Variants in FOXK1 observed in about 807,000 individuals in gnomAD.
FOXK1 encodes forkhead box protein K1.
FOXK1 carries 19 observed loss-of-function variants against 51.9 expected under a neutral mutation model. The ratio of observed to expected loss-of-function variants is 0.37; its 90% CI spans 0.26 to 0.54. FOXK1 has a LOEUF of 0.54. Among genes scored for constraint, FOXK1 ranks in the 20% least tolerant of loss-of-function variants. The pLI is 0.87. For synonymous variants in FOXK1, 537 were observed against 482.6 expected (o/e 1.11, Z -1.48); for missense variants, 870 against 1,032.7 (o/e 0.84, Z 2.16).
Position 4,756,523 on chromosome 7 carries a change from T to G in FOXK1, c.1051-471T>G, listed in dbSNP as rs111692089. 6.6e-6 allele frequency among the ~76,000 whole-genome samples: 1 copy of G among 150,810 alleles called. No individual in the cohort carries two copies. The highest frequency in any genetic ancestry group is 3.2e-3 in the Middle Eastern group (1 of 316). On this transcript the variant is annotated intron_variant, in intron 4 of 8. Coordinates refer to ENST00000328914, the MANE Select transcript of FOXK1 (RefSeq NM_001037165.2). This position sits in a 1 kb window ranked among gnomAD's most constrained non-coding sequence, Gnocchi z 4.1. ...AATGGCAGCCAGGCACAGTAGCTCA[T>G]GCCTGTAATCCCAGCACTTTGGGAG...
At chr7:4,739,618 C>T (rs950711235) in intron 1 of FOXK1, among the ~76,000 whole-genome samples, 2 of 152,200 alleles carry the variant, frequency 1.3e-5, no homozygotes, top group Non-Finnish European at 2.9e-5. Context: ...TTTGTTTGCA[C>T]TTGGTCGTCT....
chr7:4,716,223 C>T (rs570170658), intron 1 of FOXK1, among the ~76,000 whole-genome samples: 2 of 150,084 alleles, frequency 1.3e-5, no homozygotes, highest in African/African-American at 4.9e-5. Flanking sequence ...GAACAAGACC[C>T]TATCTACAAA....
Position 4,723,433 on chromosome 7 carries a change from C to CAGAA in FOXK1, c.561-17405_561-17404insAGAA, listed in dbSNP as rs1010121164. Among the ~76,000 whole-genome samples, 4 of 151,894 alleles carry CAGAA rather than the reference C, an allele frequency of 2.6e-5. No individual in the cohort carries two copies. Among genetic ancestry groups the CAGAA allele is most frequent in the African/African-American group, 9.7e-5 (4 of 41,332 alleles). On this transcript the variant is annotated intron_variant, in intron 1 of 8. Coordinates refer to ENST00000328914, the MANE Select transcript of FOXK1 (RefSeq NM_001037165.2). This position sits in a 1 kb window ranked among gnomAD's most constrained non-coding sequence, Gnocchi z 4.7. ...CCCAGCTGACTAAATTTGCCTTCTTCCTTCAGGGACCATCTTGGAATAATC... is the reference window on the plus strand; with the variant it reads ...CCCAGCTGACTAAATTTGCCTTCTTCAGAACTTCAGGGACCATCTTGGAATAATC...
At chr7:4,696,008 T>C (rs1013890939) in intron 1 of FOXK1, among the ~76,000 whole-genome samples, 1 of 150,452 alleles carries the variant, frequency 6.6e-6, no homozygotes, top group East Asian at 2.0e-4. Flanking sequence ...CCCAACTACT[T>C]AGGAACCTGA....
At chr7:4,700,671 C>T (rs1211121124) in intron 1 of FOXK1, among the ~76,000 whole-genome samples, 1 of 151,978 alleles carries the variant, frequency 6.6e-6, no homozygotes, top group Non-Finnish European at 1.5e-5. Context: ...CAAAAATTAG[C>T]CAGGTGTGGT....
chr7:4,732,551 T>A (rs977316851), intron 1 of FOXK1, among the ~76,000 whole-genome samples: 2 of 152,020 alleles, frequency 1.3e-5, no homozygotes, highest in African/African-American at 2.4e-5. Flanking sequence ...ACCTCAGCCT[T>A]CCAAAGCGCT....
In FOXK1 at chr7:4,764,720, C is replaced by A; in HGVS notation, c.*2256C>A. The A allele has an allele frequency of 6.6e-6, 1 of 152,296 alleles. No homozygotes were observed. Among genetic ancestry groups the A allele is most frequent in the East Asian group, 1.9e-4 (1 of 5,174 alleles). 9.4% of individuals were successfully genotyped at this position (152,296 alleles called of 1,614,324 possible). On this transcript the variant is annotated 3_prime_UTR_variant, in exon 9 of 9. Transcript: ENST00000328914. ...ATGTCCTCAGGGCTGCCTGTGGCCA[C>A]CCTGATGGGAGACCTCTGTTTGCTT...
chr7:4,686,651 T>C (rs1779822553), intron 1 of FOXK1, among the ~76,000 whole-genome samples: 1 of 152,152 alleles, frequency 6.6e-6, no homozygotes, highest in South Asian at 2.1e-4. Flanking sequence ...GGGCCGAGAA[T>C]TTATGATGTT....
At chr7:4,718,995 G>C (rs1780273968) in intron 1 of FOXK1, among the ~76,000 whole-genome samples, 1 of 152,048 alleles carries the variant, frequency 6.6e-6, no homozygotes, top group African/African-American at 2.4e-5. Flanking sequence ...TTTTAGTAGA[G>C]ACGGGGTTGC....
rs954568429 is a variant in FOXK1, at chr7:4,766,651, G to A, written c.*4187G>A. The A allele has an allele frequency of 3.3e-5, 5 of 152,252 alleles. No individual in the cohort carries two copies. The highest frequency in any genetic ancestry group is 1.3e-4 in the Admixed American group (2 of 15,276). 9.4% of individuals were successfully genotyped at this position (152,252 alleles called of 1,614,324 possible). On this transcript the variant is annotated 3_prime_UTR_variant, in exon 9 of 9. Transcript: ENST00000328914. The surrounding 1 kb of genome is among the most constrained non-coding windows in gnomAD (Gnocchi z 5.5). Reference sequence around the variant, plus strand: ...TTCGGTGGAGTTGGGCCAGGACGGGGGCTTCACCCTGCCCCCTCCAGACTG... The same window carrying A: ...TTCGGTGGAGTTGGGCCAGGACGGGAGCTTCACCCTGCCCCCTCCAGACTG...
Position 4,682,621 on chromosome 7 carries a change from G to A in FOXK1, c.313G>A (p.Ala105Thr). The A allele has an allele frequency of 1.3e-6, 2 of 1,524,268 alleles. No homozygotes were observed. Among genetic ancestry groups the A allele is most frequent in the Non-Finnish European group, 8.8e-7 (1 of 1,142,672 alleles). The allele number at this position is 1,524,268 out of a possible 1,614,324, so 94.4% of individuals were successfully genotyped here. A position where few individuals can be genotyped will look rare whatever the true frequency, so the allele number is the denominator to read the frequency against. ...CTCGGTACGGCAGAGCCCGGGGCCG[G>A]CGCTGGCGCGGCTGGAGGGCCGCGA... ...AASVRQSPGP[A>T]LARLEGREFE... The change falls in exon 1 of 9, where the codon GCG becomes ACG. Residue 105 changes from alanine to threonine, a missense_variant. Physicochemically the swap from Ala to Thr is moderately conservative, Grantham distance 58 (BLOSUM62 0). Transcript: ENST00000328914. The surrounding 1 kb of genome is among the most constrained non-coding windows in gnomAD (Gnocchi z 7.6).
rs569664892 is a variant in FOXK1 at position 4,707,351 on chromosome 7, C to G, written c.560+24483C>G. 6.6e-6 allele frequency among the ~76,000 whole-genome samples: 1 copy of G among 152,166 alleles called. No individual in the cohort carries two copies. The highest frequency in any genetic ancestry group is 1.5e-5 in the Non-Finnish European group (1 of 68,028). ...GGCCATCCGGGATAAACAGATGGGA[C>G]GGAGAGTGCAATTTACATAACAATT... On this transcript the variant is annotated intron_variant, in intron 1 of 8. Coordinates refer to ENST00000328914, the MANE Select transcript of FOXK1 (RefSeq NM_001037165.2). The surrounding 1 kb of genome is among the most constrained non-coding windows in gnomAD (Gnocchi z 4.1).
chr7:4,762,517 G>A lies in FOXK1; in HGVS notation c.*53G>A, dbSNP rs997853367. The stretch of plus-strand genomic sequence containing the variant: ...CTCACCCAGCGGCGACCCCGAAGCT[G>A]GACCCGGCAGCTCAGGCGGCCGCAC... On this transcript the variant is annotated 3_prime_UTR_variant, in exon 9 of 9. Coordinates refer to ENST00000328914, the MANE Select transcript of FOXK1 (RefSeq NM_001037165.2). The surrounding 1 kb of genome is among the most constrained non-coding windows in gnomAD (Gnocchi z 5.7). The A allele has an allele frequency of 1.2e-5, 18 of 1,495,266 alleles. No homozygotes were observed. The African/African-American group carries it at 2.0e-4, about 16-fold the overall frequency. 92.6% of individuals were successfully genotyped at this position (1,495,266 alleles called of 1,614,324 possible).
In FOXK1 at chr7:4,761,231, G is replaced by A. The variant is rs367809501; in HGVS notation, c.1864G>A (p.Val622Met). 81 of 1,613,148 alleles carry A rather than the reference G, an allele frequency of 5.0e-5. 1 individual carries two copies. The South Asian group carries it at 6.9e-4, about 14-fold the overall frequency. Residue 622 changes from valine (V) to methionine (M), a missense_variant, in exon 8 of 9, where the codon GTG (valine) becomes ATG (methionine). Physicochemically the swap from Val to Met is conservative, Grantham distance 21 (BLOSUM62 1). Transcript: ENST00000328914. The surrounding 1 kb of genome is among the most constrained non-coding windows in gnomAD (Gnocchi z 6.2). ...LGQHHLPVRA[V>M]TQNGKHAVPT... is the part of the protein sequence containing the mutation. ...GCAGCACCACCTTCCAGTCCGGGCCGTGACCCAGAACGGAAAGCATGCGGT... is the reference window on the plus strand; with the variant it reads ...GCAGCACCACCTTCCAGTCCGGGCCATGACCCAGAACGGAAAGCATGCGGT...
chr7:4,761,086 T>C lies in FOXK1; in HGVS notation c.1719T>C (p.Ile573=). 1.2e-6 allele frequency: 2 copies of C among 1,612,894 alleles called. No homozygotes were observed. The highest frequency in any genetic ancestry group is 1.7e-6 in the Non-Finnish European group (2 of 1,179,732). Residue 573 remains isoleucine, a synonymous_variant, in exon 8 of 9, where the codon ATT becomes ATC. Coordinates refer to ENST00000328914, the MANE Select transcript of FOXK1 (RefSeq NM_001037165.2). This position sits in a 1 kb window ranked among gnomAD's most constrained non-coding sequence, Gnocchi z 6.2. ...CAGGCCTGGAGGAGAAACCCACCAT[T>C]GCGTTTGCCACAATCCCCGCGGCTG... ...EARGLEEKPT[I]AFATIPAAGG...
rs191487934 is a variant in FOXK1 at position 4,733,190 on chromosome 7, T to A, written c.561-7648T>A. ...TTATACGTGACGGTCTTTTTTTTTT[T>A]AATTTTATTATTTTTTTATTTCAAG... On this transcript the variant is annotated intron_variant, in intron 1 of 8. Transcript: ENST00000328914. The surrounding 1 kb of genome is among the most constrained non-coding windows in gnomAD (Gnocchi z 5.0). Among the ~76,000 whole-genome samples, 531 of 152,130 alleles carry A rather than the reference T, an allele frequency of 3.5e-3. 3 individuals carry two copies. The highest frequency in any genetic ancestry group is 0.012 in the African/African-American group (478 of 41,496).
chr7:4,757,634 CAAAAAAAAAAAAA>C (rs59200954), intron 5 of FOXK1, among the ~76,000 whole-genome samples: 76 of 20,202 alleles, frequency 3.8e-3, no homozygotes, highest in South Asian at 0.017. Context: ...AACTCCGTCT[CAAAAAAAAAAAAA>C]AAAAAAAAAA....
intron 1 of FOXK1, among the ~76,000 whole-genome samples, chr7:4,695,216 C>T (rs78936782): frequency 0.038 from 5,762 of 152,304 alleles, 133 homozygotes; most frequent in Non-Finnish European, 0.06. Context: ...AACATCTTTC[C>T]GTTAAGAATA....
chr7:4,688,240 C>A (rs1779844961), intron 1 of FOXK1, among the ~76,000 whole-genome samples: 1 of 138,138 alleles, frequency 7.2e-6, no homozygotes. Context: ...ATATTTCAAC[C>A]AAAATTTCTA....
Sources: allele counts gnomAD v4.1 joint callset (sites outside exome capture counted in the v4.1 genomes callset), GRCh38; gene constraint gnomAD v4.1.1; non-coding constraint Gnocchi (gnomAD v3.1); transcripts MANE v1.5; gene names NCBI Gene and HGNC (gene_info 2026-07-23, HGNC 2026-07-21).